Variants in TOX observed in about 807,000 individuals in gnomAD.
TOX encodes thymocyte selection associated high mobility group box.
Under a neutral mutation model 53.7 loss-of-function variants are expected in TOX, and 11 were observed. That is an observed-to-expected ratio of 0.20 (90% CI 0.13 to 0.34). The LOEUF is 0.34. Ranked by LOEUF, TOX falls within the 10% of genes least tolerant of loss-of-function variation. The pLI, the probability that TOX is intolerant of heterozygous loss-of-function variation, is 1.00. For synonymous variants in TOX, 225 were observed against 245.3 expected, an observed-to-expected ratio of 0.92 and a Z score of 0.77; for missense variants, 570 against 664.6, an observed-to-expected ratio of 0.86 and a Z score of 1.56.
rs1264654266 is a variant in TOX, at chr8:58,863,996, C to G, written c.412-12191G>C. On this transcript the variant is annotated intron_variant, in intron 3 of 8. Coordinates refer to ENST00000361421, the MANE Select transcript of TOX (RefSeq NM_014729.3). The stretch of plus-strand genomic sequence containing the variant: ...GAATTAAGAATTTTTTTTTTAACAT[C>G]AGAAGGTACATGAGTAGAATTTAAC... Among the ~76,000 whole-genome samples the G allele has an allele frequency of 3.3e-5, 5 of 151,752 alleles. No homozygotes were observed. The East Asian group carries it at 9.7e-4, about 29-fold the overall frequency.
At chr8:58,976,514 T>G (rs1233213352) in intron 1 of TOX, among the ~76,000 whole-genome samples, 1 of 152,182 alleles carries the variant, frequency 6.6e-6, no homozygotes, top group Non-Finnish European at 1.5e-5. Flanking sequence ...TCCTTCAAAC[T>G]CTTGTTAATG....
At chr8:58,975,313 C>A (rs966558982) in intron 1 of TOX, among the ~76,000 whole-genome samples, 2 of 151,190 alleles carry the variant, frequency 1.3e-5, no homozygotes, top group African/African-American at 4.9e-5. Flanking sequence ...TACTTTAGAG[C>A]AATATAAAGT....
At chr8:59,006,070 A>G (rs1001260687) in intron 1 of TOX, among the ~76,000 whole-genome samples, 4 of 152,266 alleles carry the variant, frequency 2.6e-5, no homozygotes, top group African/African-American at 7.2e-5. Context: ...GATAGGTTTT[A>G]TATAGATGTC....
At chr8:59,041,110 G>A (rs1803580778) in intron 1 of TOX, among the ~76,000 whole-genome samples, 1 of 147,882 alleles carries the variant, frequency 6.8e-6, no homozygotes, top group South Asian at 2.2e-4. Flanking sequence ...GTGTGTGTGT[G>A]TACATGTGTA....
chr8:59,053,969 C>A (rs895897932), intron 1 of TOX, among the ~76,000 whole-genome samples: 1 of 152,072 alleles, frequency 6.6e-6, no homozygotes, highest in African/African-American at 2.4e-5. Context: ...TTTAACTTTG[C>A]ATCTGGAGTC....
chr8:58,891,451 T>C (rs1811560545), intron 3 of TOX, among the ~76,000 whole-genome samples: 1 of 152,092 alleles, frequency 6.6e-6, no homozygotes, highest in South Asian at 2.1e-4. Flanking sequence ...CCCTATGTGA[T>C]GTGTAATTTT....
At chr8:59,076,643 T>C (rs1205374396) in intron 1 of TOX, among the ~76,000 whole-genome samples, 1 of 152,214 alleles carries the variant, frequency 6.6e-6, no homozygotes, top group Non-Finnish European at 1.5e-5. Flanking sequence ...TTGCTAATTT[T>C]ATGCTCCTAA....
chr8:59,095,797 C>T (rs1395525502), intron 1 of TOX, among the ~76,000 whole-genome samples: 2 of 152,188 alleles, frequency 1.3e-5, no homozygotes, highest in Non-Finnish European at 1.5e-5. Context: ...TTCACCTAGC[C>T]AATGATTTAA....
At chr8:58,974,674 A>G (rs747787259) in intron 1 of TOX, among the ~76,000 whole-genome samples, 2 of 149,696 alleles carry the variant, frequency 1.3e-5, no homozygotes, top group Non-Finnish European at 3.0e-5. Flanking sequence ...CTCGGTGACT[A>G]TAGAATAACA....
Position 58,863,502 on chromosome 8 carries a change from T to C in TOX, c.412-11697A>G, listed in dbSNP as rs143113860. Among the ~76,000 whole-genome samples, 524 of 152,224 alleles carry C rather than the reference T, an allele frequency of 3.4e-3. 4 individuals are homozygous for C. Among genetic ancestry groups the C allele is most frequent in the African/African-American group, 0.012 (504 of 41,524 alleles). The stretch of plus-strand genomic sequence containing the variant: ...GGACCCAAAGGAACAGAGAGGGCAT[T>C]CTCCAGTTATTCAGTAAGTGGGTCA... On this transcript the variant is annotated intron_variant, in intron 3 of 8. Coordinates refer to ENST00000361421, the MANE Select transcript of TOX (RefSeq NM_014729.3).
chr8:58,835,260 C>T (rs1810526351), intron 5 of TOX, among the ~76,000 whole-genome samples: 1 of 152,040 alleles, frequency 6.6e-6, no homozygotes, highest in Admixed American at 6.6e-5. Flanking sequence ...CATATGAAAC[C>T]TACAAAAGAG....
At chr8:58,993,328 AT>A (rs1224790699) in intron 1 of TOX, among the ~76,000 whole-genome samples, 2 of 152,194 alleles carry the variant, frequency 1.3e-5, no homozygotes, top group Non-Finnish European at 2.9e-5. Flanking sequence ...GCCAAGGGAT[AT>A]TTATGGCTGG....
Position 59,002,618 on chromosome 8 carries a change from C to A in TOX, c.103-42610G>T, listed in dbSNP as rs532809536. On this transcript the variant is annotated intron_variant, in intron 1 of 8. Coordinates refer to ENST00000361421, the MANE Select transcript of TOX (RefSeq NM_014729.3). Reference sequence around the variant, plus strand: ...AACAACAACAACAACAAAAAAAAAACAAACAAAAAAAATCAGGCATATAAA... The same window carrying A: ...AACAACAACAACAACAAAAAAAAAAAAAACAAAAAAAATCAGGCATATAAA... Among the ~76,000 whole-genome samples, 142 of 144,730 alleles carry A rather than the reference C, an allele frequency of 9.8e-4. 1 individual carries two copies. The South Asian group carries it at 0.019, about 19-fold the overall frequency. The allele number at this position is 144,730 out of a possible 152,430, so 94.9% of individuals were successfully genotyped here.
intron 1 of TOX, among the ~76,000 whole-genome samples, chr8:58,979,265 G>A (rs1813158605): frequency 6.6e-6 from 1 of 152,106 alleles, no homozygotes; most frequent in South Asian, 2.1e-4. Context: ...ATCCCCAATA[G>A]TCTTTCTAGG....
chr8:58,828,067 TAGTC>T (rs1810393786), intron 5 of TOX, among the ~76,000 whole-genome samples: 1 of 152,212 alleles, frequency 6.6e-6, no homozygotes, highest in Non-Finnish European at 1.5e-5. Context: ...GCTTCAGAAT[TAGTC>T]AGAGTAGTTA....
intron 1 of TOX, among the ~76,000 whole-genome samples, chr8:58,982,044 C>T (rs1408706218): frequency 6.6e-6 from 1 of 152,126 alleles, no homozygotes; most frequent in African/African-American, 2.4e-5. Context: ...TAATTTCTCT[C>T]TCTCCTTTCC....
intron 4 of TOX, among the ~76,000 whole-genome samples, chr8:58,847,817 G>C (rs1286828744): frequency 6.6e-6 from 1 of 152,088 alleles, no homozygotes; most frequent in Non-Finnish European, 1.5e-5. Flanking sequence ...AAAAGCAATA[G>C]TGAAAACAAG....
intron 1 of TOX, among the ~76,000 whole-genome samples, chr8:58,995,475 C>G (rs1182165551): frequency 6.6e-6 from 1 of 152,164 alleles, no homozygotes; most frequent in Non-Finnish European, 1.5e-5. Context: ...TGACAATCAT[C>G]TTATTTCATT....
At chr8:58,983,294 A>C in intron 1 of TOX, among the ~76,000 whole-genome samples, 1 of 152,202 alleles carries the variant, frequency 6.6e-6, no homozygotes. Flanking sequence ...GTTAATACAC[A>C]GACTACTGGA....
Sources: allele counts gnomAD v4.1 joint callset (sites outside exome capture counted in the v4.1 genomes callset), GRCh38; gene constraint gnomAD v4.1.1; transcripts MANE v1.5; gene names NCBI Gene and HGNC (gene_info 2026-07-23, HGNC 2026-07-21).